The following ASPRV1 variants were observed in gnomAD, a reference collection of about 807,000 sequenced individuals.
ASPRV1 encodes the protein retroviral-like aspartic protease 1.
Under a neutral mutation model 11.0 loss-of-function variants are expected in ASPRV1, and 7 were observed. That is an observed-to-expected ratio of 0.64 (90% CI 0.36 to 1.20). The LOEUF (loss-of-function observed/expected upper bound fraction) is 1.20. Ranked by LOEUF, ASPRV1 falls within the 50% of genes most tolerant of loss-of-function variation. The probability of loss-of-function intolerance (pLI) is 0.02; values close to 1 mark genes in which losing one functional copy is unlikely to be tolerated. For synonymous variants in ASPRV1, 136 were observed against 138.4 expected (o/e 0.98, Z 0.12); for missense variants, 299 against 320.0 (o/e 0.93, Z 0.50).
the ASPRV1 span, among the ~76,000 whole-genome samples, chr2:70,033,853 T>C: frequency 6.6e-6 from 1 of 151,968 alleles, no homozygotes; most frequent in African/African-American, 2.4e-5. Flanking sequence ...ACTGAGAATG[T>C]GATTAAGGAA....
the ASPRV1 span, among the ~76,000 whole-genome samples, chr2:70,036,735 A>G: frequency 1.3e-5 from 2 of 152,158 alleles, no homozygotes; most frequent in Non-Finnish European, 2.9e-5. Context: ...TGGCACGATC[A>G]TGGCTCACTG....
chr2:70,071,923 G>A, the ASPRV1 span, among the ~76,000 whole-genome samples: 3 of 151,568 alleles, frequency 2.0e-5, no homozygotes, highest in Admixed American at 2.0e-4. Context: ...AGGCAACATA[G>A]CGAGACCCAG....
At chr2:70,015,482 T>G in the ASPRV1 span, 1 of 152,242 alleles carries the variant, frequency 6.6e-6, no homozygotes, top group Non-Finnish European at 1.5e-5. Context: ...AGGGCCAACT[T>G]TTCATATACA....
the ASPRV1 span, among the ~76,000 whole-genome samples, chr2:69,945,801 G>T: frequency 6.6e-6 from 1 of 152,342 alleles, no homozygotes; most frequent in Non-Finnish European, 1.5e-5. Context: ...GGGTGGACTG[G>T]GGGTATTGGA....
chr2:69,971,711 T>C, the ASPRV1 span, among the ~76,000 whole-genome samples: 1 of 152,250 alleles, frequency 6.6e-6, no homozygotes, highest in Non-Finnish European at 1.5e-5. Flanking sequence ...AGCCTTAGGA[T>C]GCCCACAAGC....
chr2:70,083,894 A>G, the ASPRV1 span, among the ~76,000 whole-genome samples: 1 of 152,182 alleles, frequency 6.6e-6, no homozygotes, highest in African/African-American at 2.4e-5. Flanking sequence ...TCAGAGCTAG[A>G]CAGGGGCAGA....
At chr2:69,939,144 T>TCCC in the ASPRV1 span, 1 of 151,844 alleles carries the variant, frequency 6.6e-6, no homozygotes, top group African/African-American at 2.4e-5. Context: ...TATCCTTTTT[T>TCCC]CCCCCCCCAA....
At chr2:70,080,465 G>A in the ASPRV1 span, among the ~76,000 whole-genome samples, 1 of 152,312 alleles carries the variant, frequency 6.6e-6, no homozygotes, top group East Asian at 1.9e-4. Context: ...GACCTCAGGT[G>A]ATCTGCCCGC....
At chr2:69,990,404 G>T in the ASPRV1 span, among the ~76,000 whole-genome samples, 2 of 150,830 alleles carry the variant, frequency 1.3e-5, no homozygotes, top group Non-Finnish European at 3.0e-5. Context: ...GGCTGGTCTC[G>T]AACTCCTGAC....
the ASPRV1 span, among the ~76,000 whole-genome samples, chr2:69,996,002 G>A: frequency 6.6e-6 from 1 of 152,028 alleles, no homozygotes; most frequent in African/African-American, 2.4e-5. Flanking sequence ...GAGCAGTCAG[G>A]TGGGGTATCA....
At chr2:70,034,350 C>T in the ASPRV1 span, among the ~76,000 whole-genome samples, 1 of 151,450 alleles carries the variant, frequency 6.6e-6, no homozygotes, top group Non-Finnish European at 1.5e-5. Context: ...GGGCAGAACA[C>T]CTGAGGTCAG....
chr2:69,988,545 T>C, the ASPRV1 span: 4 of 330,782 alleles, frequency 1.2e-5, no homozygotes, highest in Non-Finnish European at 1.2e-5. Context: ...TGGGAGTTAG[T>C]GTTTAGTGGG....
At chr2:70,000,336 C>CCACA in the ASPRV1 span, among the ~76,000 whole-genome samples, 837 of 126,304 alleles carry the variant, frequency 6.6e-3, 19 homozygotes, top group African/African-American at 0.023. Flanking sequence ...AAAAAAAAAA[C>CCACA]CACACACACA....
the ASPRV1 span, among the ~76,000 whole-genome samples, chr2:69,991,432 CT>C: frequency 5.5e-3 from 837 of 152,254 alleles, 7 homozygotes; most frequent in Middle Eastern, 0.02. Context: ...AAAATGTCTT[CT>C]TTTTTCCACC....
At chr2:70,001,075 A>G in the ASPRV1 span, among the ~76,000 whole-genome samples, 1 of 152,054 alleles carries the variant, frequency 6.6e-6, no homozygotes, top group African/African-American at 2.4e-5. Flanking sequence ...GCCTAAGTTG[A>G]TACATCCTTC....
chr2:70,075,475 C>T, the ASPRV1 span, among the ~76,000 whole-genome samples: 10,369 of 151,624 alleles, frequency 0.068, 1,228 homozygotes, highest in African/African-American at 0.24. Flanking sequence ...CTCTATAAAA[C>T]GGGGATAAGA....
chr2:69,979,727 T>C, the ASPRV1 span, among the ~76,000 whole-genome samples: 3 of 152,150 alleles, frequency 2.0e-5, no homozygotes, highest in Admixed American at 2.0e-4. Context: ...ATGACCAAGA[T>C]GAAGTTTCCT....
rs1460199981 is a variant in ASPRV1 at position 69,960,596 on chromosome 2, C to T, written c.*61G>A. The T allele has an allele frequency of 1.2e-5, 17 of 1,475,272 alleles. No individual in the cohort carries two copies. Among genetic ancestry groups the T allele is most frequent in the African/African-American group, 2.8e-5 (2 of 70,716 alleles). 91.4% of individuals were successfully genotyped at this position (1,475,272 alleles called of 1,614,324 possible). ...CAGTGACCCCCATGAGGATATGCAA[C>T]CCCCCCCACAGCGGTGGGTCTTCCC... On this transcript the variant is annotated 3_prime_UTR_variant, in exon 1 of 1. Coordinates refer to ENST00000320256, the MANE Select transcript of ASPRV1 (RefSeq NM_152792.4).
chr2:70,008,802 C>A, the ASPRV1 span, among the ~76,000 whole-genome samples: 6 of 152,098 alleles, frequency 3.9e-5, no homozygotes, highest in Admixed American at 3.3e-4. Context: ...CTGCCCCCAG[C>A]CAGCCTGGGG....
Sources: gnomAD v4.1 joint callset for allele counts (sites outside exome capture counted in the v4.1 genomes callset) on GRCh38, gnomAD v4.1.1 for gene constraint, MANE v1.5 for transcripts, NCBI Gene and HGNC (gene_info 2026-07-23, HGNC 2026-07-21) for gene names.